Variants in SRC observed in about 807,000 individuals in gnomAD.
SRC encodes the protein SRC proto-oncogene, non-receptor tyrosine kinase.
A neutral mutation model predicts 62.9 loss-of-function variants in SRC; 13 were observed. The ratio of observed to expected loss-of-function variants is 0.21; its 90% CI spans 0.13 to 0.33. The LOEUF is 0.33. SRC is among the 10% of genes least tolerant of loss of function. The pLI is 1.00. For synonymous variants in SRC, 302 were observed against 317.5 expected, an observed-to-expected ratio of 0.95 and a Z score of 0.52; for missense variants, 457 against 737.3, an observed-to-expected ratio of 0.62 and a Z score of 4.40.
At chr20:37,394,759 G>A (rs766417963) in intron 7 of SRC, among the ~76,000 whole-genome samples, 2 of 152,166 alleles carry the variant, frequency 1.3e-5, no homozygotes, top group Non-Finnish European at 2.9e-5. Flanking sequence ...CTGAAAGTGG[G>A]TTGCAGGCGC....
In SRC at chr20:37,402,512, A is replaced by G. The variant is rs1388091763; in HGVS notation, c.1194A>G (p.Gly398=). Reference sequence around the variant, plus strand: ...TTCGTGCAGCCAACATCCTGGTGGGAGAGAACCTGGTGTGCAAAGTGGCGG... The same window carrying G: ...TTCGTGCAGCCAACATCCTGGTGGGGGAGAACCTGGTGTGCAAAGTGGCGG... The part of the protein sequence containing the change: ...RDLRAANILV[G]ENLVCKVADF... Residue 398 remains glycine (G), a synonymous_variant, in exon 12 of 14, where the codon GGA becomes GGG. Transcript: ENST00000373578. The surrounding 1 kb of genome is among the most constrained non-coding windows in gnomAD (Gnocchi z 6.2). 1 of 1,613,904 alleles carries G rather than the reference A, an allele frequency of 6.2e-7. No individual in the cohort carries two copies. Among genetic ancestry groups the G allele is most frequent in the Admixed American group, 1.7e-5 (1 of 59,990 alleles).
intron 1 of SRC, among the ~76,000 whole-genome samples, chr20:37,359,587 G>A (rs2146931053): frequency 6.6e-6 from 1 of 152,352 alleles, no homozygotes; most frequent in East Asian, 1.9e-4. Context: ...AGACCCCGAG[G>A]CAGGGGAGAG....
In SRC at chr20:37,401,619, C is replaced by G; in HGVS notation, c.1057C>G (p.Leu353Val). The change falls in exon 11 of 14, where the codon CTC (leucine) becomes GTC (valine). Residue 353 changes from leucine (L) to valine (V), a missense_variant. Coordinates refer to ENST00000373578, the MANE Select transcript of SRC (RefSeq NM_198291.3). ...YMSKGSLLDF[L>V]KGETGKYLRL... is the part of the protein sequence containing the mutation. The stretch of plus-strand genomic sequence containing the variant: ...CTGCCCAGGGAGTTTGCTGGACTTT[C>G]TCAAGGGGGAGACAGGCAAGTACCT... 1 of 1,611,136 alleles carries G rather than the reference C, an allele frequency of 6.2e-7. No homozygotes were observed. Among genetic ancestry groups the G allele is most frequent in the Non-Finnish European group, 8.5e-7 (1 of 1,178,808 alleles).
chr20:37,347,475 G>A (rs560072835), intron 1 of SRC, among the ~76,000 whole-genome samples: 2 of 152,364 alleles, frequency 1.3e-5, no homozygotes, highest in African/African-American at 2.4e-5. Context: ...GAGGCTTGGC[G>A]TGTAGTAGAT....
intron 5 of SRC, among the ~76,000 whole-genome samples, chr20:37,392,212 C>T (rs949208814): frequency 6.6e-6 from 1 of 152,152 alleles, no homozygotes; most frequent in Non-Finnish European, 1.5e-5. Flanking sequence ...CCCAGTCACA[C>T]CCCCTTGCCT....
chr20:37,399,107 C>T (rs560811609), intron 9 of SRC, among the ~76,000 whole-genome samples: 21 of 152,354 alleles, frequency 1.4e-4, no homozygotes, highest in African/African-American at 3.6e-4. Flanking sequence ...TGAGCCCTCA[C>T]GGTGGGGCTG....
At chr20:37,366,267 A>G (rs2070060700) in intron 2 of SRC, among the ~76,000 whole-genome samples, 1 of 151,986 alleles carries the variant, frequency 6.6e-6, no homozygotes, top group South Asian at 2.1e-4. Context: ...TGTTCTCCTC[A>G]CTCTCACCAG....
chr20:37,379,708 A>C (rs1264871598), intron 2 of SRC, among the ~76,000 whole-genome samples: 1 of 150,612 alleles, frequency 6.6e-6, no homozygotes, highest in Non-Finnish European at 1.5e-5. Flanking sequence ...TGGGCGACAG[A>C]GGAGACTCTG....
intron 2 of SRC, among the ~76,000 whole-genome samples, chr20:37,368,982 C>T (rs527648341): frequency 1.3e-5 from 2 of 152,248 alleles, no homozygotes; most frequent in South Asian, 4.1e-4. Context: ...TGTCTTGGCA[C>T]CCTTGCATAA....
rs1001104046 is a variant in SRC at position 37,403,672 on chromosome 20, C to G, written c.*293C>G. The G allele has an allele frequency of 1.3e-5, 6 of 465,360 alleles. No individual in the cohort carries two copies. The highest frequency in any genetic ancestry group is 2.3e-5 in the Non-Finnish European group (6 of 255,410). 28.8% of individuals were successfully genotyped at this position (465,360 alleles called of 1,614,324 possible). A position where few individuals can be genotyped will look rare whatever the true frequency, so the allele number is the denominator to read the frequency against. On this transcript the variant is annotated 3_prime_UTR_variant, in exon 14 of 14. Coordinates refer to ENST00000373578, the MANE Select transcript of SRC (RefSeq NM_198291.3). The surrounding 1 kb of genome is among the most constrained non-coding windows in gnomAD (Gnocchi z 7.1). Reference sequence around the variant, plus strand: ...CTCTGTGGGTCTCTGGAAGAGGAACCAGGAGAAGGGCTGGGGCCGGGGCTG... The same window carrying G: ...CTCTGTGGGTCTCTGGAAGAGGAACGAGGAGAAGGGCTGGGGCCGGGGCTG...
intron 2 of SRC, among the ~76,000 whole-genome samples, chr20:37,379,025 G>A (rs2070320612): frequency 6.7e-6 from 1 of 148,230 alleles, no homozygotes; most frequent in African/African-American, 2.5e-5. Context: ...GGGTGGGGGG[G>A]AGATGCAGGC....
intron 1 of SRC, among the ~76,000 whole-genome samples, chr20:37,361,624 A>G (rs2069971061): frequency 6.6e-6 from 1 of 152,220 alleles, no homozygotes; most frequent in African/African-American, 2.4e-5. Context: ...GCTGGCGGCC[A>G]TCTCCACAAG....
At chr20:37,383,291 AG>A (rs1215007112) in intron 3 of SRC, among the ~76,000 whole-genome samples, 1 of 152,222 alleles carries the variant, frequency 6.6e-6, no homozygotes, top group Non-Finnish European at 1.5e-5. Flanking sequence ...GCCAGGGAAC[AG>A]CATTTGGGCA....
rs185097604 is a variant in SRC, at chr20:37,370,706, T to C, written c.-173+5429T>C. 1.8e-3 allele frequency among the ~76,000 whole-genome samples: 280 copies of C among 152,360 alleles called. 1 individual carries two copies. The highest frequency in any genetic ancestry group is 6.3e-3 in the African/African-American group (263 of 41,588). ...AAGATTTATATACATGTAATATATA[T>C]ATTCATTTTCATAAAAGTCATTGGT... On this transcript the variant is annotated intron_variant, in intron 2 of 13. Transcript: ENST00000373578.
intron 1 of SRC, among the ~76,000 whole-genome samples, chr20:37,352,566 G>A (rs1319675273): frequency 6.6e-6 from 1 of 152,080 alleles, no homozygotes; most frequent in Non-Finnish European, 1.5e-5. Flanking sequence ...GCCTCACCCT[G>A]GCCTCCCTCC....
At chr20:37,375,618 G>A (rs932550169) in intron 2 of SRC, among the ~76,000 whole-genome samples, 9 of 150,896 alleles carry the variant, frequency 6.0e-5, no homozygotes, top group South Asian at 4.2e-4. Context: ...CCAGCAGTCC[G>A]TCTGCCTCAG....
chr20:37,376,471 A>G (rs958043053), intron 2 of SRC, among the ~76,000 whole-genome samples: 2 of 152,202 alleles, frequency 1.3e-5, no homozygotes, highest in Admixed American at 1.3e-4. Flanking sequence ...CTGGCATCTG[A>G]ACCTGGCATT....
chr20:37,391,635 C>T (rs1188965259), intron 5 of SRC, among the ~76,000 whole-genome samples: 2 of 152,138 alleles, frequency 1.3e-5, no homozygotes, highest in African/African-American at 2.4e-5. Context: ...GGGCAGATCA[C>T]TTGAGGTCAG....
At chr20:37,358,633 C>T (rs2069919712) in intron 1 of SRC, among the ~76,000 whole-genome samples, 1 of 152,246 alleles carries the variant, frequency 6.6e-6, no homozygotes, top group Admixed American at 6.5e-5. Flanking sequence ...CAGTCCCCTA[C>T]AGTGCAGGCC....
Sources: allele counts gnomAD v4.1 joint callset (sites outside exome capture counted in the v4.1 genomes callset), GRCh38; gene constraint gnomAD v4.1.1; non-coding constraint Gnocchi (gnomAD v3.1); transcripts MANE v1.5; gene names NCBI Gene and HGNC (gene_info 2026-07-23, HGNC 2026-07-21).